The following C11orf91 variants were observed in gnomAD, a reference collection of about 807,000 sequenced individuals.
The protein encoded by C11orf91 is uncharacterized protein C11orf91.
C11orf91 carries 10 observed loss-of-function variants against 14.3 expected under a neutral mutation model. That is an observed-to-expected ratio of 0.70 (90% CI 0.43 to 1.18). The LOEUF (loss-of-function observed/expected upper bound fraction) is 1.18, where lower values mean the gene tolerates loss of function less well. Ranked by LOEUF, C11orf91 falls within the 50% of genes most tolerant of loss-of-function variation. C11orf91 has a pLI of 0.00. For missense variants in C11orf91, 236 were observed against 269.0 expected (o/e 0.88, Z 0.86); for synonymous variants, 141 against 130.6 (o/e 1.08, Z -0.54).
At chr11:33,699,740 C>T (rs991026229) in intron 1 of C11orf91, 1 of 419,602 alleles carries the variant, frequency 2.4e-6, no homozygotes, top group South Asian at 1.6e-5. Flanking sequence ...CCCAAAGCTG[C>T]CCTGGAAACG....
chr11:33,698,465 G>T lies in C11orf91; in HGVS notation c.546C>A (p.Thr182=). ...LKDEKLQGLK[T]KQPGKKSASL... Reference sequence around the variant, plus strand: ...AGGCCGACTTCTTTCCAGGTTGCTTGGTCTTCAGTCCTTGTAACTTTTCGT... The same window carrying T: ...AGGCCGACTTCTTTCCAGGTTGCTTTGTCTTCAGTCCTTGTAACTTTTCGT... The change falls in exon 2 of 2, where the codon ACC becomes ACA. Residue 182 remains threonine (T), a synonymous_variant. Coordinates refer to ENST00000379011, the MANE Select transcript of C11orf91 (RefSeq NM_001166692.2). 1 of 1,537,556 alleles carries T rather than the reference G, an allele frequency of 6.5e-7. No homozygotes were observed.
the C11orf91 span, chr11:33,706,197 C>G: frequency 1.3e-5 from 2 of 152,034 alleles, no homozygotes; most frequent in South Asian, 4.2e-4. Flanking sequence ...ATCACAGGCA[C>G]CCACCTAGAA....
Position 33,700,340 on chromosome 11 carries a change from G to C in C11orf91, c.401C>G (p.Ser134Cys). 1 of 1,535,558 alleles carries C rather than the reference G, an allele frequency of 6.5e-7. No individual in the cohort carries two copies. Among genetic ancestry groups the C allele is most frequent in the Non-Finnish European group, 8.7e-7 (1 of 1,146,734 alleles). ...VPCPSTPRLA[S>C]ASHPEELCEL... ...GCAGAGCTCCTCCGGGTGGGAGGCA[G>C]AGGCGAGCCTGGGGGTCGAGGGGCA... Residue 134 changes from serine to cysteine, a missense_variant, in exon 1 of 2, where the codon TCT becomes TGT. Transcript: ENST00000379011.
intron 1 of C11orf91, among the ~76,000 whole-genome samples, chr11:33,699,031 C>T (rs1338609665): frequency 6.6e-6 from 1 of 151,994 alleles, no homozygotes; most frequent in Non-Finnish European, 1.5e-5. Flanking sequence ...GGCTCCTGAC[C>T]TCAAATGATC....
At chr11:33,701,926 TG>T (rs1853134808), upstream of C11orf91, among the ~76,000 whole-genome samples, 1 of 152,030 alleles carries the variant, frequency 6.6e-6, no homozygotes, top group South Asian at 2.1e-4. Flanking sequence ...CGGAACAGTG[TG>T]TGTGTGAAAC....
chr11:33,699,243 A>G (rs1207872567), intron 1 of C11orf91, among the ~76,000 whole-genome samples: 1 of 152,164 alleles, frequency 6.6e-6, no homozygotes, highest in African/African-American at 2.4e-5. Flanking sequence ...GCTATGAGAA[A>G]GGGTGCATTA....
chr11:33,700,400 G>A lies in C11orf91; in HGVS notation c.341C>T (p.Pro114Leu). The A allele has an allele frequency of 1.3e-6, 2 of 1,530,886 alleles. No homozygotes were observed. The highest frequency in any genetic ancestry group is 1.2e-5 in the South Asian group (1 of 83,648). The allele number at this position is 1,530,886 out of a possible 1,614,324, so 94.8% of individuals were successfully genotyped here. A position where few individuals can be genotyped will look rare whatever the true frequency, so the allele number is the denominator to read the frequency against. Residue 114 changes from proline (P) to leucine (L), a missense_variant, in exon 1 of 2, where the codon CCG (proline) becomes CTG (leucine). Transcript: ENST00000379011. ...EPLRFFYSPP[P>L]GPEVVASPLV... Reference sequence around the variant, plus strand: ...GGGCGAGGCAACCACCTCAGGCCCCGGCGGCGGTGAGTAGAAGAAGCGCAG... The same window carrying A: ...GGGCGAGGCAACCACCTCAGGCCCCAGCGGCGGTGAGTAGAAGAAGCGCAG...
At chr11:33,698,906 G>A (rs1368712941) in intron 1 of C11orf91, among the ~76,000 whole-genome samples, 8 of 149,210 alleles carry the variant, frequency 5.4e-5, no homozygotes, top group African/African-American at 1.2e-4. Flanking sequence ...TCATCCTCCC[G>A]AGTAGATGAG....
upstream of C11orf91, chr11:33,703,110 C>T (rs1258003511): frequency 6.6e-6 from 1 of 151,934 alleles, no homozygotes; most frequent in African/African-American, 2.4e-5. Context: ...CAGATTTTTT[C>T]CCCCTTACTC....
chr11:33,700,774 G>T lies in C11orf91; in HGVS notation c.-34C>A. The T allele has an allele frequency of 7.9e-7, 1 of 1,267,104 alleles. No homozygotes were observed. The highest frequency in any genetic ancestry group is 9.9e-7 in the Non-Finnish European group (1 of 1,007,728). The allele number at this position is 1,267,104 out of a possible 1,614,324, so 78.5% of individuals were successfully genotyped here. ...TGAGGGTCTGCGTGGGAGGAACCCC[G>T]CGCCGGGAGACGCGCGCTCAGGCCC... On this transcript the variant is annotated 5_prime_UTR_variant, in exon 1 of 2. Coordinates refer to ENST00000379011, the MANE Select transcript of C11orf91 (RefSeq NM_001166692.2).
upstream of C11orf91, chr11:33,704,868 G>A (rs556847390): frequency 2.0e-5 from 3 of 152,618 alleles, no homozygotes; most frequent in Non-Finnish European, 4.4e-5. Flanking sequence ...TAAGGACCAA[G>A]CTATTCTGGG....
chr11:33,700,570 G>A lies in C11orf91; in HGVS notation c.171C>T (p.Gly57=), dbSNP rs747861457. Residue 57 remains glycine, a synonymous_variant, in exon 1 of 2, where the codon GGC becomes GGT. Coordinates refer to ENST00000379011, the MANE Select transcript of C11orf91 (RefSeq NM_001166692.2). ...ACAGGGACCGGGCCCCCGCCGCCCCGCCCACTGGCGCCCCGCCCGCCTTCA... is the reference window on the plus strand; with the variant it reads ...ACAGGGACCGGGCCCCCGCCGCCCCACCCACTGGCGCCCCGCCCGCCTTCA... ...VPLKAGGAPV[G]GAAGARSLSQ... The A allele has an allele frequency of 8.6e-6, 12 of 1,401,174 alleles. No individual in the cohort carries two copies. In the African/African-American group the frequency reaches 1.8e-4, roughly 21 times the overall value. The allele number at this position is 1,401,174 out of a possible 1,614,324, so 86.8% of individuals were successfully genotyped here.
chr11:33,701,438 T>C (rs1017417043), upstream of C11orf91, among the ~76,000 whole-genome samples: 7 of 152,322 alleles, frequency 4.6e-5, no homozygotes, highest in Middle Eastern at 3.4e-3. Flanking sequence ...TTAGTTCTCT[T>C]CCAAACACAG....
intron 1 of C11orf91, among the ~76,000 whole-genome samples, chr11:33,699,059 C>A (rs557515433): frequency 5.3e-5 from 8 of 152,170 alleles, no homozygotes; most frequent in South Asian, 2.1e-4. Flanking sequence ...ATTGGCCCCC[C>A]CAAAGTGCTG....
Position 33,699,700 on chromosome 11 carries a change from G to C in C11orf91, c.496+545C>G, listed in dbSNP as rs566894124. The C allele has an allele frequency of 2.4e-5, 11 of 453,646 alleles. 1 individual carries two copies. Among genetic ancestry groups the C allele is most frequent in the South Asian group, 1.4e-4 (9 of 64,490 alleles). The allele number at this position is 453,646 out of a possible 1,614,324, so 28.1% of individuals were successfully genotyped here. The stretch of plus-strand genomic sequence containing the variant: ...GCCAAGGCCACAGAGTCCCAGGGGG[G>C]CTGCCCCCCAGCATTGAGAAGTGGA... On this transcript the variant is annotated intron_variant, in intron 1 of 1. Coordinates refer to ENST00000379011, the MANE Select transcript of C11orf91 (RefSeq NM_001166692.2).
chr11:33,701,453 C>T (rs1255012889), upstream of C11orf91, among the ~76,000 whole-genome samples: 1 of 152,216 alleles, frequency 6.6e-6, no homozygotes, highest in Non-Finnish European at 1.5e-5. Flanking sequence ...ACACAGATAT[C>T]ACCAGGAGCT....
chr11:33,703,820 T>C (rs149759939), upstream of C11orf91: 1 of 152,344 alleles, frequency 6.6e-6, no homozygotes, highest in Non-Finnish European at 1.5e-5. Context: ...ACTGAAGAAA[T>C]GTGACATGAG....
upstream of C11orf91, chr11:33,703,427 C>A (rs1358402874): frequency 1.3e-5 from 2 of 152,194 alleles, no homozygotes; most frequent in Non-Finnish European, 2.9e-5. Context: ...CCTTTCCCTC[C>A]CTGGGCTCCA....
intron 1 of C11orf91, 41 bp from the exon 2 acceptor site, chr11:33,698,555 G>A: frequency 7.2e-7 from 1 of 1,390,926 alleles, no homozygotes; most frequent in Non-Finnish European, 9.9e-7. Flanking sequence ...ATAGAGATAA[G>A]GGCTTTTCCT....
Sources: allele counts gnomAD v4.1 joint callset (sites outside exome capture counted in the v4.1 genomes callset), GRCh38; gene constraint gnomAD v4.1.1; transcripts MANE v1.5; gene names NCBI Gene and HGNC (gene_info 2026-07-23, HGNC 2026-07-21).